OTOP3: variants seen among roughly 807,000 people sequenced by gnomAD.
OTOP3 encodes proton channel OTOP3.
Under a neutral mutation model 50.8 loss-of-function variants are expected in OTOP3, and 41 were observed. The observed-to-expected ratio is 0.81, with a 90% CI of 0.63 to 1.05. The LOEUF (loss-of-function observed/expected upper bound fraction) is 1.05. Among genes scored for constraint, OTOP3 ranks in the 50% least tolerant of loss-of-function variants. The pLI, the probability that OTOP3 is intolerant of heterozygous loss-of-function variation, is 0.00. For synonymous variants in OTOP3, 320 were observed against 324.4 expected (o/e 0.99, Z 0.14); for missense variants, 788 against 760.8 (o/e 1.04, Z -0.42).
At chr17:74,943,483 C>T in intron 4 of OTOP3, 123 bp from the exon 5 acceptor site, 1 of 1,321,030 alleles carries the variant, frequency 7.6e-7, no homozygotes, top group Non-Finnish European at 1.1e-6. Context: ...GTCCTAGTGC[C>T]AGTGTGACAC....
At position 74,941,630 on chromosome 17, in the gene OTOP3, C is replaced by T. The variant is rs369170606; in HGVS notation, c.257C>T (p.Ala86Val). Residue 86 changes from alanine (A) to valine (V), a missense_variant, in exon 2 of 7, where the codon GCC (alanine) becomes GTC (valine). By Grantham distance (64) the Ala-to-Val change is moderately conservative (BLOSUM62 0). Transcript: ENST00000328801. Reference sequence around the variant, plus strand: ...CTGAATGTGGTGTTCCTGGGTGGCGCCTTCATCTGCAGCATGATCTTCAAC... The same window carrying T: ...CTGAATGTGGTGTTCCTGGGTGGCGTCTTCATCTGCAGCATGATCTTCAAC... ...LALNVVFLGG[A>V]FICSMIFNKV... 13 of 1,613,914 alleles carry T rather than the reference C, an allele frequency of 8.1e-6. No individual in the cohort carries two copies. The East Asian group carries it at 8.9e-5, about 11-fold the overall frequency.
At chr17:74,941,243 G>A in intron 1 of OTOP3, 150 bp from the exon 2 acceptor site, 1 of 782,816 alleles carries the variant, frequency 1.3e-6, no homozygotes, top group Non-Finnish European at 1.9e-6. Context: ...CTGTAAGATA[G>A]ATGGGGCAGC....
At chr17:74,938,051 C>T (rs868123289) in intron 1 of OTOP3, among the ~76,000 whole-genome samples, 14 of 152,106 alleles carry the variant, frequency 9.2e-5, no homozygotes, top group Middle Eastern at 3.4e-3. Context: ...GCCTTGAGTA[C>T]GGCAGGGGTG....
chr17:74,943,756 T>G (rs1217679478), intron 5 of OTOP3, 32 bp downstream of exon 5: 1 of 1,325,890 alleles, frequency 7.5e-7, no homozygotes. Context: ...TTCCTTGCCC[T>G]GAAACACACA....
intron 1 of OTOP3, among the ~76,000 whole-genome samples, chr17:74,941,013 A>G (rs1274775661): frequency 6.6e-6 from 1 of 152,142 alleles, no homozygotes; most frequent in African/African-American, 2.4e-5. Context: ...GTCCTACCAG[A>G]AGGCGGAAGG....
At chr17:74,938,283 G>A (rs1206409740) in intron 1 of OTOP3, among the ~76,000 whole-genome samples, 2 of 152,228 alleles carry the variant, frequency 1.3e-5, no homozygotes, top group East Asian at 1.9e-4. Flanking sequence ...GCCAGATATG[G>A]TGAGAGTCTT....
At chr17:74,948,887 G>T (rs1244413544) in intron 6 of OTOP3, among the ~76,000 whole-genome samples, 3 of 152,120 alleles carry the variant, frequency 2.0e-5, no homozygotes. Context: ...GAGGAGTGAA[G>T]CCCGAGCTCA....
Position 74,949,100 on chromosome 17 carries a change from G to C in OTOP3, c.1567-146G>C. ...AGATCTGGGGGAAAGAAGAGCTCAC[G>C]CTGAAAGCCCAAGGGTTAGAAGAAG... On this transcript the variant is annotated intron_variant, in intron 6 of 6. Coordinates refer to ENST00000328801, the MANE Select transcript of OTOP3 (RefSeq NM_001272005.2). 6.4e-6 allele frequency: 5 copies of C among 782,706 alleles called. No homozygotes were observed. The East Asian group carries it at 1.3e-4, about 20-fold the overall frequency. The allele number at this position is 782,706 out of a possible 1,614,324, so 48.5% of individuals were successfully genotyped here. A position where few individuals can be genotyped will look rare whatever the true frequency, so the allele number is the denominator to read the frequency against.
chr17:74,947,542 G>A (rs1240649871), intron 6 of OTOP3, 67 bp downstream of exon 6: 1 of 1,382,382 alleles, frequency 7.2e-7, no homozygotes, highest in South Asian at 1.4e-5. Context: ...GCCTCACTCA[G>A]GAAGGGATGG....
Position 74,947,391 on chromosome 17 carries a change from C to T in OTOP3, c.1482C>T (p.Ala494=), listed in dbSNP as rs776013052. ...LGQGLQRASL[A]YIHSYSHLNW... is the part of the protein sequence containing the mutation. ...AGGGCCTGCAGCGGGCCTCACTGGC[C>T]TACATCCACTCCTACAGCCACCTCA... Residue 494 remains alanine, a synonymous_variant, in exon 6 of 7, where the codon GCC becomes GCT. Transcript: ENST00000328801. 1 of 1,613,036 alleles carries T rather than the reference C, an allele frequency of 6.2e-7. No homozygotes were observed. The highest frequency in any genetic ancestry group is 8.5e-7 in the Non-Finnish European group (1 of 1,180,008).
Position 74,941,392 on chromosome 17 carries a change from G to GC in OTOP3, c.23dup (p.Ala9CysfsTer2). On this transcript the variant is annotated frameshift_variant and splice_region_variant. Coordinates refer to ENST00000328801, the MANE Select transcript of OTOP3 (RefSeq NM_001272005.2). LOFTEE classifies it high-confidence loss of function. ...ACCCAGGACCCTTTCTCCATCTCCA[G>GC]CCCCTGCTGAGGCTACACCCATGCC... 2 of 1,492,224 alleles carry GC rather than the reference G, an allele frequency of 1.3e-6. No homozygotes were observed. Among genetic ancestry groups the GC allele is most frequent in the Non-Finnish European group, 8.9e-7 (1 of 1,119,322 alleles). The allele number at this position is 1,492,224 out of a possible 1,614,324, so 92.4% of individuals were successfully genotyped here. A position where few individuals can be genotyped will look rare whatever the true frequency, so the allele number is the denominator to read the frequency against.
Position 74,947,085 on chromosome 17 carries a change from T to C in OTOP3, c.1176T>C (p.Pro392=), listed in dbSNP as rs766375301. 4 of 1,614,030 alleles carry C rather than the reference T, an allele frequency of 2.5e-6. No individual in the cohort carries two copies. The highest frequency in any genetic ancestry group is 3.3e-4 in the Middle Eastern group (2 of 6,084). ...GAGAGCTGGACACGGTCAAGAACCC[T>C]ACCCGCAGCCTGGATGTGGTGCTGC... ...EERELDTVKN[P]TRSLDVVLLM... is the part of the protein sequence containing the mutation. Residue 392 remains proline (P), a synonymous_variant, in exon 6 of 7, where the codon CCT becomes CCC. Coordinates refer to ENST00000328801, the MANE Select transcript of OTOP3 (RefSeq NM_001272005.2).
chr17:74,938,969 A>T (rs529113711), intron 1 of OTOP3, among the ~76,000 whole-genome samples: 2 of 151,892 alleles, frequency 1.3e-5, no homozygotes, highest in Admixed American at 1.3e-4. Context: ...GGAGTTCAAG[A>T]CCAGCTTAGG....
intron 6 of OTOP3, among the ~76,000 whole-genome samples, chr17:74,948,418 C>T (rs945591961): frequency 1.3e-5 from 2 of 152,096 alleles, no homozygotes; most frequent in African/African-American, 2.4e-5. Flanking sequence ...CCCAGCACTT[C>T]GGGAGACTGA....
Position 74,949,499 on chromosome 17 carries a change from G to A in OTOP3, c.*83G>A. ...AGTCTCTGAGCAGATGCCTCATTCTGAGGTGCCGAGACCAGCCTGAGGCTC... is the reference window on the plus strand; with the variant it reads ...AGTCTCTGAGCAGATGCCTCATTCTAAGGTGCCGAGACCAGCCTGAGGCTC... On this transcript the variant is annotated 3_prime_UTR_variant, in exon 7 of 7. Transcript: ENST00000328801. 3.4e-6 allele frequency: 5 copies of A among 1,491,700 alleles called. No individual in the cohort carries two copies. The highest frequency in any genetic ancestry group is 4.5e-6 in the Non-Finnish European group (5 of 1,104,192). 92.4% of individuals were successfully genotyped at this position (1,491,700 alleles called of 1,614,324 possible).
intron 4 of OTOP3, 73 bp downstream of exon 4, chr17:74,943,417 C>CG (rs1371407546): frequency 6.5e-7 from 1 of 1,536,430 alleles, no homozygotes; most frequent in African/African-American, 1.4e-5. Flanking sequence ...AGGGTGGCCG[C>CG]GGGGCTATAG....
At chr17:74,948,026 C>G (rs938531808) in intron 6 of OTOP3, among the ~76,000 whole-genome samples, 1 of 152,146 alleles carries the variant, frequency 6.6e-6, no homozygotes, top group African/African-American at 2.4e-5. Flanking sequence ...GTGTTTGACT[C>G]CAAGCAATCA....
chr17:74,935,810 C>G (rs2039107921), upstream of OTOP3: 2 of 1,514,710 alleles, frequency 1.3e-6, no homozygotes, highest in Admixed American at 2.1e-5. Context: ...CGATGGGCCG[C>G]GGAGCCCGAG....
intron 6 of OTOP3, 58 bp from the exon 7 acceptor site, chr17:74,949,188 C>A: frequency 6.3e-7 from 1 of 1,578,192 alleles, no homozygotes; most frequent in Non-Finnish European, 8.6e-7. Flanking sequence ...CTCCCCTGAA[C>A]TGAGTGCCTT....
Sources: gnomAD v4.1 joint callset for allele counts (sites outside exome capture counted in the v4.1 genomes callset) on GRCh38, gnomAD v4.1.1 for gene constraint, MANE v1.5 for transcripts, NCBI Gene and HGNC (gene_info 2026-07-23, HGNC 2026-07-21) for gene names.